Variants in JPH3 observed in about 807,000 individuals in gnomAD.
The protein encoded by JPH3 is junctophilin 3.
JPH3 carries 11 observed loss-of-function variants against 59.6 expected under a neutral mutation model. That is an observed-to-expected ratio of 0.18 (90% CI 0.12 to 0.31). The LOEUF is 0.31. Ranked by LOEUF, JPH3 falls within the 10% of genes least tolerant of loss-of-function variation. JPH3 has a pLI of 1.00. For synonymous variants in JPH3, 673 were observed against 483.6 expected, an observed-to-expected ratio of 1.39 and a Z score of -5.14; for missense variants, 1,202 against 1,105.7, an observed-to-expected ratio of 1.09 and a Z score of -1.24.
intron 1 of JPH3, chr16:87,604,329 G>C: frequency 6.8e-7 from 1 of 1,468,026 alleles, no homozygotes; most frequent in Middle Eastern, 1.8e-4. Context: ...TGCTGCTGCT[G>C]TAAGATGGTT....
chr16:87,644,541 G>C lies in JPH3; in HGVS notation c.666G>C (p.Gly222=), dbSNP rs1405825456. The stretch of plus-strand genomic sequence containing the variant: ...TGTTTCGGCGCTCGCTGCTGAGTGG[G>C]CTGAAGCTGCGCAAGTCGGAGTCCA... ...KGLFRRSLLS[G]LKLRKSESKS... The change falls in exon 2 of 5, where the codon GGG becomes GGC. Residue 222 remains glycine, a synonymous_variant. Coordinates refer to ENST00000284262, the MANE Select transcript of JPH3 (RefSeq NM_020655.4). 3 of 1,612,888 alleles carry C rather than the reference G, an allele frequency of 1.9e-6. No homozygotes were observed. Among genetic ancestry groups the C allele is most frequent in the African/African-American group, 2.7e-5 (2 of 75,032 alleles).
At chr16:87,633,213 T>C (rs1407581142) in intron 1 of JPH3, among the ~76,000 whole-genome samples, 1 of 152,054 alleles carries the variant, frequency 6.6e-6, no homozygotes. Flanking sequence ...TGTTCTTTGT[T>C]TTCGTGGGCT....
At chr16:87,638,046 A>G (rs1196617329) in intron 1 of JPH3, among the ~76,000 whole-genome samples, 1 of 152,030 alleles carries the variant, frequency 6.6e-6, no homozygotes, top group Non-Finnish European at 1.5e-5. Flanking sequence ...CTGCCTCCCC[A>G]GTAGCTGGGA....
rs2033870109 is a variant in JPH3, at chr16:87,696,622, A to G, written c.2209A>G (p.Ile737Val). The change falls in exon 5 of 5, where the codon ATC (isoleucine) becomes GTC (valine). Residue 737 changes from isoleucine to valine, a missense_variant. By Grantham distance (29) the Ile-to-Val change is conservative (BLOSUM62 3). Coordinates refer to ENST00000284262, the MANE Select transcript of JPH3 (RefSeq NM_020655.4). ...GGTGGTCATGGTGATCTTGCTCAAC[A>G]TCGGAGTCGCCATTCTGTTTATTAA... ...ILVVMVILLN[I>V]GVAILFINFF... 2 of 1,613,698 alleles carry G rather than the reference A, an allele frequency of 1.2e-6. No individual in the cohort carries two copies. Among genetic ancestry groups the G allele is most frequent in the African/African-American group, 1.3e-5 (1 of 75,034 alleles).
chr16:87,666,196 C>A (rs1245903892), intron 2 of JPH3, among the ~76,000 whole-genome samples: 2 of 151,090 alleles, frequency 1.3e-5, no homozygotes, highest in Non-Finnish European at 2.9e-5. Context: ...TTAAGCAGTT[C>A]TCCTGCCTCA....
At position 87,690,371 on chromosome 16, in the gene JPH3, G is replaced by A. The variant is rs944128286; in HGVS notation, c.2011G>A (p.Ala671Thr). The A allele has an allele frequency of 8.5e-6, 13 of 1,538,302 alleles. No homozygotes were observed. Among genetic ancestry groups the A allele is most frequent in the South Asian group, 2.5e-5 (2 of 79,666 alleles). Residue 671 changes from alanine (A) to threonine (T), a missense_variant, in exon 4 of 5, where the codon GCG becomes ACG. By Grantham distance (58) the Ala-to-Thr change is moderately conservative. Coordinates refer to ENST00000284262, the MANE Select transcript of JPH3 (RefSeq NM_020655.4). ...NKENFRPASS[A>T]EPAVQKLASL... ...GGAGAACTTCAGGCCGGCCTCCTCC[G>A]CGGAGCCCGCCGTGCAGAAACTGGC...
Position 87,613,095 on chromosome 16 carries a change from C to CT in JPH3, c.382+9586dup, listed in dbSNP as rs1190988631. On this transcript the variant is annotated intron_variant, in intron 1 of 4. Coordinates refer to ENST00000284262, the MANE Select transcript of JPH3 (RefSeq NM_020655.4). ...ACAATACCTACGTTTCTTTCTTTCT[C>CT]TTTTTTTTTTTTTTTTTTTGAGACA... Among the ~76,000 whole-genome samples the CT allele has an allele frequency of 8.0e-3, 1,031 of 128,680 alleles. 10 individuals are homozygous for CT. The highest frequency in any genetic ancestry group is 9.6e-3 in the East Asian group (43 of 4,494). 84.4% of individuals were successfully genotyped at this position (128,680 alleles called of 152,430 possible).
intron 2 of JPH3, among the ~76,000 whole-genome samples, chr16:87,682,075 A>G (rs761459187): frequency 6.6e-6 from 1 of 152,070 alleles, no homozygotes; most frequent in Non-Finnish European, 1.5e-5. Flanking sequence ...CCCACAAGAC[A>G]GGGGGTGTGC....
At chr16:87,623,305 A>C (rs1001632091) in intron 1 of JPH3, among the ~76,000 whole-genome samples, 1 of 152,164 alleles carries the variant, frequency 6.6e-6, no homozygotes, top group Non-Finnish European at 1.5e-5. Context: ...GAGGGTGGAC[A>C]CTGATGTCCT....
intron 1 of JPH3, among the ~76,000 whole-genome samples, chr16:87,624,180 C>G (rs1368414970): frequency 6.6e-6 from 1 of 152,246 alleles, no homozygotes; most frequent in Non-Finnish European, 1.5e-5. Context: ...GTTTCACACA[C>G]CGTACAATTC....
At chr16:87,624,860 C>T (rs1022837742) in intron 1 of JPH3, among the ~76,000 whole-genome samples, 3 of 152,196 alleles carry the variant, frequency 2.0e-5, no homozygotes, top group African/African-American at 4.8e-5. Context: ...AGTGCAGTAG[C>T]GTGATCTTGG....
At chr16:87,665,624 C>G (rs74039444) in intron 2 of JPH3, among the ~76,000 whole-genome samples, 4,214 of 152,270 alleles carry the variant, frequency 0.028, 223 homozygotes, top group African/African-American at 0.096. Flanking sequence ...AAGGCCTGGC[C>G]TCACTTGCAG....
intron 1 of JPH3, chr16:87,604,758 A>C: frequency 3.7e-6 from 3 of 813,042 alleles, no homozygotes; most frequent in Non-Finnish European, 4.9e-6. Flanking sequence ...GGCTTATGCA[A>C]CTGAAAAGCA....
intron 3 of JPH3, among the ~76,000 whole-genome samples, chr16:87,688,232 G>C (rs888112736): frequency 2.6e-5 from 4 of 152,070 alleles, no homozygotes; most frequent in African/African-American, 9.7e-5. Flanking sequence ...AGACTTGGGA[G>C]GGCTGGCCAC....
chr16:87,652,225 T>G (rs1345395792), intron 2 of JPH3, among the ~76,000 whole-genome samples: 2 of 152,174 alleles, frequency 1.3e-5, no homozygotes, highest in African/African-American at 4.8e-5. Context: ...TCCGCCCACC[T>G]CGGCCTCCCA....
chr16:87,658,579 T>A (rs1376079022), intron 2 of JPH3, among the ~76,000 whole-genome samples: 1 of 152,128 alleles, frequency 6.6e-6, no homozygotes, highest in Non-Finnish European at 1.5e-5. Flanking sequence ...TCTCTATCTC[T>A]TCACCTGTGA....
chr16:87,682,369 A>AAGGTGTTTGCGCCCCCTAGGTGC, intron 2 of JPH3, among the ~76,000 whole-genome samples: 1 of 152,228 alleles, frequency 6.6e-6, no homozygotes, highest in South Asian at 2.1e-4. Context: ...GGCTGCGTAG[A>AAGGTGTTTGCGCCCCCTAGGTGC]AGGTGTTTGC....
chr16:87,658,172 C>G (rs149767614), intron 2 of JPH3, among the ~76,000 whole-genome samples: 88 of 152,134 alleles, frequency 5.8e-4, no homozygotes, highest in African/African-American at 2.1e-3. Flanking sequence ...ATTCAGCAAA[C>G]AGTGAATGGA....
Position 87,696,550 on chromosome 16 carries a change from C to G in JPH3, c.2167-30C>G, listed in dbSNP as rs202244595. The G allele has an allele frequency of 1.3e-5, 20 of 1,598,786 alleles. No homozygotes were observed. The African/African-American group carries it at 2.0e-4, about 16-fold the overall frequency. ...CCCAGGCAGAGCCCCCCGCAGCTGT[C>G]GCTCACCTCTTCCCCTCGCTCTCTT... is the stretch of plus-strand genomic sequence containing the variant. On this transcript the variant is annotated intron_variant, in intron 4 of 4. Coordinates refer to ENST00000284262, the MANE Select transcript of JPH3 (RefSeq NM_020655.4).
Sources: gnomAD v4.1 joint callset for allele counts (sites outside exome capture counted in the v4.1 genomes callset) on GRCh38, gnomAD v4.1.1 for gene constraint, MANE v1.5 for transcripts, NCBI Gene and HGNC (gene_info 2026-07-23, HGNC 2026-07-21) for gene names.